The following PPP1R12C variants were observed in gnomAD, a reference collection of about 807,000 sequenced individuals.
PPP1R12C encodes protein phosphatase 1 regulatory subunit 12C, also known as leukocyte receptor cluster (LRC) encoded novel gene 3.
PPP1R12C carries 48 observed loss-of-function variants against 95.6 expected under a neutral mutation model. The ratio of observed to expected loss-of-function variants is 0.50; its 90% CI spans 0.40 to 0.64. The LOEUF is 0.64. Ranked by LOEUF, PPP1R12C falls within the 30% of genes least tolerant of loss-of-function variation. The pLI is 0.00. For missense variants in PPP1R12C, 1,057 were observed against 1,083.3 expected, an observed-to-expected ratio of 0.98 and a Z score of 0.34; for synonymous variants, 480 against 460.8, an observed-to-expected ratio of 1.04 and a Z score of -0.53.
rs1354831018 is a variant in PPP1R12C, at chr19:55,104,250, TAATA to T, written c.572-686_572-683del. On this transcript the variant is annotated intron_variant, in intron 3 of 21. Coordinates refer to ENST00000263433, the MANE Select transcript of PPP1R12C (RefSeq NM_017607.4). ...TAAATATAAAAAATATTTATATATATAATATATATATAACATATATATGCATCTC... is the reference window on the plus strand; with the variant it reads ...TAAATATAAAAAATATTTATATATATTATATATAACATATATATGCATCTC... 2.8e-5 allele frequency among the ~76,000 whole-genome samples: 4 copies of T among 143,780 alleles called. No homozygotes were observed. In the East Asian group the frequency reaches 5.9e-4, roughly 21 times the overall value. 94.3% of individuals were successfully genotyped at this position (143,780 alleles called of 152,430 possible).
In PPP1R12C at chr19:55,095,575, C is replaced by A. The variant is rs368299707; in HGVS notation, c.1256G>T (p.Arg419Leu). 2 of 1,577,498 alleles carry A rather than the reference C, an allele frequency of 1.3e-6. No homozygotes were observed. The highest frequency in any genetic ancestry group is 2.3e-5 in the South Asian group (2 of 85,148). Residue 419 changes from arginine (R) to leucine (L), a missense_variant, in exon 10 of 22, where the codon CGC (arginine) becomes CTC (leucine). Arg to Leu is a moderately radical substitution (Grantham distance 102). Transcript: ENST00000263433. ...ACTCCCTGTCTTCAGGAGGCCAAAG[C>A]GCCTGGAGAAGGGGGCCTCTTCAAG... is the stretch of plus-strand genomic sequence containing the variant. ...VQLEEAPFSRRFGLLKTGSSG... is the reference protein window; with the variant it reads ...VQLEEAPFSRLFGLLKTGSSG...
At position 55,092,794 on chromosome 19, in the gene PPP1R12C, C is replaced by T. The variant is rs375785615; in HGVS notation, c.1900G>A (p.Gly634Arg). The T allele has an allele frequency of 6.6e-4, 1,036 of 1,559,130 alleles. 25 individuals carry two copies. The South Asian group carries it at 0.012, about 17-fold the overall frequency. Reference protein sequence around the residue: ...EHRKVGKEWRGPAEGEEAEPA... With the variant: ...EHRKVGKEWRRPAEGEEAEPA... ...CCTGAGCCCCTCACCTCCGCAGGCC[C>T]CCTCCACTCCTTTCCGACCTTGCGG... The change falls in exon 16 of 22, where the codon GGG becomes AGG. Residue 634 changes from glycine to arginine, a missense_variant. This residue lies in a region of PPP1R12C where 347 missense variants were observed against 307.9 expected (regional missense o/e 1.13). Transcript: ENST00000263433.
chr19:55,115,034 G>C (rs2085138983), intron 1 of PPP1R12C: 1 of 152,184 alleles, frequency 6.6e-6, no homozygotes, highest in Non-Finnish European at 1.5e-5. Context: ...TCCTGGGCTT[G>C]CCAAGGACTC....
intron 3 of PPP1R12C, among the ~76,000 whole-genome samples, chr19:55,110,567 G>A (rs2085084700): frequency 6.6e-6 from 1 of 152,222 alleles, no homozygotes; most frequent in South Asian, 2.1e-4. Flanking sequence ...ATCAGGCGAA[G>A]ATGTACAATG....
Position 55,093,172 on chromosome 19 carries a change from T to C in PPP1R12C, c.1745A>G (p.Glu582Gly). Residue 582 changes from glutamate (E) to glycine (G), a missense_variant, in exon 14 of 22, where the codon GAG (glutamate) becomes GGG (glycine). Glu to Gly is a moderately conservative substitution (Grantham distance 98). Coordinates refer to ENST00000263433, the MANE Select transcript of PPP1R12C (RefSeq NM_017607.4). ...TCTCACCAGGCTCTGCGCCGGCTTC[T>C]CTGACTCTGGGGCCTTCCCTGCAGC... Reference protein sequence around the residue: ...EKAAGKAPESEKPAQSLDPSR... With the variant: ...EKAAGKAPESGKPAQSLDPSR... The C allele has an allele frequency of 6.2e-7, 1 of 1,613,680 alleles. No homozygotes were observed. The highest frequency in any genetic ancestry group is 8.5e-7 in the Non-Finnish European group (1 of 1,179,960).
At position 55,116,320 on chromosome 19, in the gene PPP1R12C, G is replaced by A. The variant is rs376618719; in HGVS notation, c.321+903C>T. Among the ~76,000 whole-genome samples the A allele has an allele frequency of 6.0e-3, 910 of 152,194 alleles. 6 individuals are homozygous for A. The highest frequency in any genetic ancestry group is 0.031 in the South Asian group (147 of 4,804). On this transcript the variant is annotated intron_variant, in intron 1 of 21. Transcript: ENST00000263433. ...GGGTGAGGGAGGAGAGATGCCCGGA[G>A]AGGACCCAGACACGGGGAGGATCCG...
intron 4 of PPP1R12C, among the ~76,000 whole-genome samples, chr19:55,102,210 A>G (rs1388593102): frequency 6.6e-6 from 1 of 152,198 alleles, no homozygotes; most frequent in Non-Finnish European, 1.5e-5. Context: ...TACTAGAACA[A>G]TTTAAACTAT....
rs377524915 is a variant in PPP1R12C, at chr19:55,094,772, C to T, written c.1481G>A (p.Cys494Tyr). 98 of 1,603,152 alleles carry T rather than the reference C, an allele frequency of 6.1e-5. No individual in the cohort carries two copies. Among genetic ancestry groups the T allele is most frequent in the Non-Finnish European group, 7.1e-5 (83 of 1,176,472 alleles). Residue 494 changes from cysteine (C) to tyrosine (Y), a missense_variant, in exon 12 of 22, where the codon TGC becomes TAC. Coordinates refer to ENST00000263433, the MANE Select transcript of PPP1R12C (RefSeq NM_017607.4). ...GGAGGGAGGCGAGGAGTTCTCCAAG[C>T]AAGGAGGAGGCTTGGTGACCTCAGA... ...VLSEVTKPPP[C>Y]LENSSPPSRI...
chr19:55,116,547 A>G (rs577322840), intron 1 of PPP1R12C, among the ~76,000 whole-genome samples: 36 of 152,254 alleles, frequency 2.4e-4, no homozygotes, highest in Middle Eastern at 3.4e-3. Context: ...GGCCCAGGGG[A>G]GAGAATGCAG....
chr19:55,113,747 G>T (rs140281938), intron 1 of PPP1R12C: 1 of 451,508 alleles, frequency 2.2e-6, no homozygotes. Flanking sequence ...AACTCGGGCT[G>T]TGAAGGGGCC....
chr19:55,097,421 G>T (rs1380703739), intron 6 of PPP1R12C, among the ~76,000 whole-genome samples: 1 of 116,082 alleles, frequency 8.6e-6, no homozygotes, highest in Non-Finnish European at 1.7e-5. Context: ...CCCCTTCCCC[G>T]CAGTTCACCA....
chr19:55,115,538 C>T (rs767061196), intron 1 of PPP1R12C: 1 of 151,888 alleles, frequency 6.6e-6, no homozygotes, highest in Non-Finnish European at 1.5e-5. Context: ...CGCATCCCCC[C>T]CTTCCCTCCC....
chr19:55,108,605 G>GGT, intron 3 of PPP1R12C, among the ~76,000 whole-genome samples: 1 of 152,196 alleles, frequency 6.6e-6, no homozygotes, highest in South Asian at 2.1e-4. Context: ...CACAGACGTG[G>GGT]AATCAGACAG....
Position 55,112,094 on chromosome 19 carries a change from C to G in PPP1R12C, c.571+373G>C, listed in dbSNP as rs188617600. 42 of 198,630 alleles carry G rather than the reference C, an allele frequency of 2.1e-4. No individual in the cohort carries two copies. The East Asian group carries it at 4.8e-3, about 23-fold the overall frequency. 12.3% of individuals were successfully genotyped at this position (198,630 alleles called of 1,614,324 possible). On this transcript the variant is annotated intron_variant, in intron 3 of 21. Transcript: ENST00000263433. ...CAACCCCTGCATGCCCCTACTCCCC[C>G]CCAAGTAAACGCATCCCCTCCCAGA...
intron 19 of PPP1R12C, 147 bp downstream of exon 19, chr19:55,092,075 C>A (rs903403512): frequency 9.1e-7 from 1 of 1,094,480 alleles, no homozygotes; most frequent in South Asian, 1.5e-5. Flanking sequence ...TCCCCTCGCT[C>A]AGACTCCGCC....
At chr19:55,098,647 G>T in intron 6 of PPP1R12C, 137 bp downstream of exon 6, 2 of 1,072,202 alleles carry the variant, frequency 1.9e-6, no homozygotes, top group East Asian at 2.5e-5. Flanking sequence ...GGCTGGGGCT[G>T]GGTCACCAAG....
At position 55,112,647 on chromosome 19, in the gene PPP1R12C, G is replaced by A. The variant is rs373959170; in HGVS notation, c.452+18C>T. 1.8e-3 allele frequency: 2,898 copies of A among 1,613,060 alleles called. 65 individuals are homozygous for A. In the South Asian group the frequency reaches 0.029, roughly 16 times the overall value. On this transcript the variant is annotated intron_variant, in intron 2 of 21. Transcript: ENST00000263433. ...CCCCCACCCCGACCAGGTCCTGCCC[G>A]GCCCTCCCTTGCCTCACCTGGCGAT...
chr19:55,116,797 C>G (rs916498680), intron 1 of PPP1R12C, among the ~76,000 whole-genome samples: 2 of 151,878 alleles, frequency 1.3e-5, no homozygotes, highest in African/African-American at 4.8e-5. Flanking sequence ...CAGGAGAGGG[C>G]AGGGCAGGGA....
intron 1 of PPP1R12C, among the ~76,000 whole-genome samples, chr19:55,116,824 G>A (rs934717053): frequency 2.6e-5 from 4 of 152,204 alleles, no homozygotes; most frequent in Admixed American, 6.5e-5. Context: ...CAAAGTCCAG[G>A]ACCGGCTGGA....
Sources: allele counts gnomAD v4.1 joint callset (sites outside exome capture counted in the v4.1 genomes callset), GRCh38; gene constraint gnomAD v4.1.1; regional missense constraint gnomAD v4.1.1; transcripts MANE v1.5; gene names NCBI Gene and HGNC (gene_info 2026-07-23, HGNC 2026-07-21).